Variants in KLHL13 observed in about 807,000 individuals in gnomAD.
The protein encoded by KLHL13 is kelch like family member 13, also known as kelch-like protein 13.
In KLHL13, 10 loss-of-function variants were observed where a neutral mutation model predicts 37.1. The observed-to-expected ratio is 0.27, with a 90% CI of 0.17 to 0.46. The LOEUF is 0.46. Ranked by LOEUF, KLHL13 falls within the 20% of genes least tolerant of loss-of-function variation. KLHL13 has a pLI of 1.00. For synonymous variants in KLHL13, 163 were observed against 181.2 expected, an observed-to-expected ratio of 0.90 and a Z score of 0.81; for missense variants, 360 against 509.3, an observed-to-expected ratio of 0.71 and a Z score of 2.82.
intron 1 of KLHL13, among the ~76,000 whole-genome samples, chrX:118,051,700 A>G: frequency 9.0e-6 from 1 of 111,387 alleles, no homozygotes; most frequent in Middle Eastern, 4.6e-3. Context: ...AATCATAAAG[A>G]TGCAAACTTC....
chrX:118,032,795 G>A (rs1490438113), intron 1 of KLHL13, among the ~76,000 whole-genome samples: 1 of 111,945 alleles, frequency 8.9e-6, no homozygotes, highest in Non-Finnish European at 1.9e-5. Context: ...ATTACTCCGA[G>A]CTAAGGGAGG....
intron 1 of KLHL13, among the ~76,000 whole-genome samples, chrX:118,038,324 T>C (rs1324869178): frequency 1.8e-5 from 2 of 112,173 alleles, no homozygotes; most frequent in East Asian, 5.6e-4. Flanking sequence ...AAAAAAGAAC[T>C]TTCATAACAA....
intron 1 of KLHL13, among the ~76,000 whole-genome samples, chrX:118,101,454 T>C (rs1343057495): frequency 9.0e-6 from 1 of 111,490 alleles, no homozygotes; most frequent in Admixed American, 9.6e-5. Context: ...AAAACACTAC[T>C]TGTAATACAG....
intron 1 of KLHL13, among the ~76,000 whole-genome samples, chrX:118,077,629 A>C (rs2054941707): frequency 9.0e-6 from 1 of 110,611 alleles, no homozygotes; most frequent in Non-Finnish European, 1.9e-5. Context: ...GCACAAATAC[A>C]TGTTTACATG....
intron 1 of KLHL13, among the ~76,000 whole-genome samples, chrX:118,075,505 G>C (rs755156471): frequency 9.0e-6 from 1 of 111,317 alleles, no homozygotes; most frequent in Non-Finnish European, 1.9e-5. Flanking sequence ...GAGAGAGGAA[G>C]GATTAATTGA....
intron 1 of KLHL13, among the ~76,000 whole-genome samples, chrX:117,980,912 T>C (rs5956831): frequency 0.062 from 6,930 of 111,740 alleles, 526 homozygotes; most frequent in African/African-American, 0.21. Flanking sequence ...GATGTCCTTA[T>C]GGTAATGTTA....
At chrX:118,032,782 CA>C (rs1219000441) in intron 1 of KLHL13, among the ~76,000 whole-genome samples, 2 of 111,861 alleles carry the variant, frequency 1.8e-5, no homozygotes, top group Non-Finnish European at 3.8e-5. Flanking sequence ...TTCAGACGGT[CA>C]AATTACTCCG....
chrX:118,077,682 C>G (rs906710907), intron 1 of KLHL13, among the ~76,000 whole-genome samples: 3 of 110,614 alleles, frequency 2.7e-5, no homozygotes, highest in Non-Finnish European at 5.7e-5. Context: ...TGTTTGGGGA[C>G]ACCACAGCCT....
At chrX:118,001,115 C>A (rs1000090073) in intron 1 of KLHL13, among the ~76,000 whole-genome samples, 2 of 112,010 alleles carry the variant, frequency 1.8e-5, no homozygotes, top group African/African-American at 6.5e-5. Flanking sequence ...AATCACTACA[C>A]TGTTGTTTCT....
chrX:117,978,808 T>C (rs1409541869), intron 1 of KLHL13, among the ~76,000 whole-genome samples: 55 of 99,873 alleles, frequency 5.5e-4, no homozygotes, highest in Admixed American at 8.2e-4. Flanking sequence ...TTTTTTTTTT[T>C]CTACCCGTGT....
In KLHL13 at chrX:118,021,992, A is replaced by G. The variant is rs143977262; in HGVS notation, c.-55-76417T>C. On this transcript the variant is annotated intron_variant, in intron 1 of 6. Transcript: ENST00000371882. ...TGTATTTATCTGGTGGCCAGTGATG[A>G]TGAGCATTTTTTCATGTGTCTGTTG... Among the ~76,000 whole-genome samples, 790 of 111,654 alleles carry G rather than the reference A, an allele frequency of 7.1e-3. 11 individuals are homozygous for G. The highest frequency in any genetic ancestry group is 0.024 in the African/African-American group (745 of 30,734).
At chrX:117,906,736 G>C (rs764497171) in intron 5 of KLHL13, among the ~76,000 whole-genome samples, 1 of 111,181 alleles carries the variant, frequency 9.0e-6, no homozygotes, top group Non-Finnish European at 1.9e-5. Flanking sequence ...TTTAAGGGAC[G>C]CAATCATTTT....
At chrX:117,901,885 C>G (rs370033138) in exon 6 of KLHL13, 1 of 1,199,039 alleles carries the variant, frequency 8.3e-7, no homozygotes, top group Non-Finnish European at 1.1e-6. Context: ...CATAGTGGGG[C>G]TCACTCATTT....
At chrX:118,008,690 G>C (rs990356343) in intron 1 of KLHL13, among the ~76,000 whole-genome samples, 1 of 111,377 alleles carries the variant, frequency 9.0e-6, no homozygotes, top group Non-Finnish European at 1.9e-5. Flanking sequence ...TGTCCTCAGG[G>C]AGTTTGCATT....
intron 1 of KLHL13, among the ~76,000 whole-genome samples, chrX:118,008,319 T>C (rs902427202): frequency 4.5e-5 from 5 of 112,224 alleles, no homozygotes; most frequent in African/African-American, 1.6e-4. Context: ...GGCTTCCAAC[T>C]CATTAATAGT....
At chrX:117,908,070 TTTATTTA>T (rs1377996066) in intron 5 of KLHL13, among the ~76,000 whole-genome samples, 3 of 71,380 alleles carry the variant, frequency 4.2e-5, no homozygotes, top group Non-Finnish European at 7.4e-5. Flanking sequence ...AAGGACATTA[TTTATTTA>T]TTTATTTATT....
intron 1 of KLHL13, among the ~76,000 whole-genome samples, chrX:118,094,647 C>A (rs762628421): frequency 1.8e-5 from 2 of 110,790 alleles, no homozygotes; most frequent in East Asian, 5.7e-4. Flanking sequence ...AGAGAAAGGT[C>A]GGGTTACCCA....
intron 1 of KLHL13, among the ~76,000 whole-genome samples, chrX:118,097,534 C>G (rs1198561795): frequency 9.0e-6 from 1 of 111,679 alleles, no homozygotes; most frequent in Non-Finnish European, 1.9e-5. Flanking sequence ...AATGCCATCC[C>G]CATCAAGCTA....
At chrX:117,990,632 T>G (rs954044959) in intron 1 of KLHL13, among the ~76,000 whole-genome samples, 4 of 111,304 alleles carry the variant, frequency 3.6e-5, no homozygotes, top group Admixed American at 9.5e-5. Context: ...AGCAAAAAAA[T>G]GAAATAGCAA....
Sources: allele counts gnomAD v4.1 joint callset (sites outside exome capture counted in the v4.1 genomes callset), GRCh38; gene constraint gnomAD v4.1.1; transcripts MANE v1.5; gene names NCBI Gene and HGNC (gene_info 2026-07-23, HGNC 2026-07-21).